BPTF: variants seen among roughly 807,000 people sequenced by gnomAD.
The protein encoded by BPTF is nucleosome-remodeling factor subunit BPTF.
In BPTF, 18 loss-of-function variants were observed where a neutral mutation model predicts 292.5. That is an observed-to-expected ratio of 0.06 (90% CI 0.04 to 0.09). The LOEUF is 0.09. Ranked by LOEUF, BPTF falls within the 10% of genes least tolerant of loss-of-function variation. The pLI is 1.00. For missense variants in BPTF, 2,726 were observed against 3,498.7 expected (o/e 0.78, Z 5.57); for synonymous variants, 1,225 against 1,251.9 (o/e 0.98, Z 0.45).
chr17:67,947,895 C>G, intron 22 of BPTF, 87 bp downstream of exon 22: 1 of 1,365,410 alleles, frequency 7.3e-7, no homozygotes, highest in Admixed American at 2.4e-5. Context: ...ACTTGTTTAT[C>G]TTGATTGAAG....
rs764682478 is a variant in BPTF at position 67,903,808 on chromosome 17, A to G, written c.2563A>G (p.Ile855Val). 5 of 1,578,972 alleles carry G rather than the reference A, an allele frequency of 3.2e-6. No homozygotes were observed. Among genetic ancestry groups the G allele is most frequent in the South Asian group, 2.4e-5 (2 of 83,716 alleles). The change falls in exon 8 of 28, where the codon ATT becomes GTT. Residue 855 changes from isoleucine to valine, a missense_variant. By Grantham distance (29) the Ile-to-Val change is conservative. This residue lies in a region of BPTF where 99 missense variants were observed against 227.1 expected (regional missense o/e 0.44). Coordinates refer to ENST00000306378, the MANE Select transcript of BPTF (RefSeq NM_182641.4). ...TCTTAGGTTACACCGGATGACATCA[A>G]TTGAAAGAGAAGAAAAGGAGAAAGT... is the stretch of plus-strand genomic sequence containing the variant. ...GHTRLHRMTS[I>V]EREEKEKVKK...
chr17:67,839,209 G>A (rs530944354), intron 1 of BPTF, among the ~76,000 whole-genome samples: 20 of 152,144 alleles, frequency 1.3e-4, no homozygotes, highest in African/African-American at 3.6e-4. Flanking sequence ...ATAACGATAG[G>A]CATCTTAGTA....
intron 27 of BPTF, among the ~76,000 whole-genome samples, chr17:67,979,691 C>G (rs1395746540): frequency 5.9e-5 from 9 of 152,166 alleles, no homozygotes; most frequent in African/African-American, 2.2e-4. Flanking sequence ...GAGCTTGGTT[C>G]TCCTTGCCAT....
chr17:67,977,827 G>A (rs2069712201), intron 27 of BPTF: 1 of 150,438 alleles, frequency 6.6e-6, no homozygotes, highest in African/African-American at 2.4e-5. Flanking sequence ...TTGGGCGACA[G>A]AGGGAGATTC....
Position 67,911,009 on chromosome 17 carries a change from G to T in BPTF, c.3125G>T (p.Ser1042Ile). Residue 1042 changes from serine to isoleucine, a missense_variant, in exon 11 of 28, where the codon AGT (serine) becomes ATT (isoleucine). Transcript: ENST00000306378. ...ESSQVDVVNV[S>I]EGFHLRTSYK... is the part of the protein sequence containing the mutation. ...TCTCAAGTAGATGTGGTCAATGTTA[G>T]TGAGGGTTTTCATCTAAGGACTAGT... The T allele has an allele frequency of 6.2e-7, 1 of 1,613,968 alleles. No individual in the cohort carries two copies. The highest frequency in any genetic ancestry group is 8.5e-7 in the Non-Finnish European group (1 of 1,179,912).
chr17:67,914,330 A>G (rs928927011), intron 11 of BPTF, among the ~76,000 whole-genome samples: 3 of 152,226 alleles, frequency 2.0e-5, no homozygotes, highest in African/African-American at 7.2e-5. Flanking sequence ...TGTTTGACCA[A>G]GTTTTTTATA....
At chr17:67,962,317 G>C (rs1316848243) in intron 24 of BPTF, among the ~76,000 whole-genome samples, 1 of 152,318 alleles carries the variant, frequency 6.6e-6, no homozygotes, top group East Asian at 1.9e-4. Flanking sequence ...GGCCAGTCTG[G>C]TTCCCTGTGA....
chr17:67,906,127 G>C (rs935398851), intron 9 of BPTF, among the ~76,000 whole-genome samples: 4 of 152,000 alleles, frequency 2.6e-5, no homozygotes, highest in African/African-American at 9.7e-5. Context: ...CTGTCACCAG[G>C]CTGGAGTGCA....
intron 23 of BPTF, among the ~76,000 whole-genome samples, chr17:67,949,927 C>T (rs1568155845): frequency 2.0e-5 from 3 of 151,382 alleles, no homozygotes; most frequent in Admixed American, 6.6e-5. Context: ...GTGGCAGGTG[C>T]CTGTAATCCC....
chr17:67,857,222 C>T (rs781747989), intron 2 of BPTF, among the ~76,000 whole-genome samples: 7 of 134,970 alleles, frequency 5.2e-5, no homozygotes, highest in African/African-American at 1.1e-4. Context: ...AGTGCAATGG[C>T]GTGATCTCGG....
chr17:67,976,342 G>A (rs575679162), intron 27 of BPTF, among the ~76,000 whole-genome samples: 7 of 152,254 alleles, frequency 4.6e-5, no homozygotes, highest in African/African-American at 1.2e-4. Flanking sequence ...GTGTGGTGAC[G>A]CACGCATGTA....
At chr17:67,964,737 A>C (rs1244239797) in intron 25 of BPTF, among the ~76,000 whole-genome samples, 1 of 152,138 alleles carries the variant, frequency 6.6e-6, no homozygotes, top group South Asian at 2.1e-4. Flanking sequence ...ATGGTGGCTC[A>C]TGCCTGTAAT....
intron 21 of BPTF, 43 bp from the exon 22 acceptor site, chr17:67,947,683 G>T: frequency 1.4e-6 from 2 of 1,462,976 alleles, no homozygotes; most frequent in East Asian, 2.5e-5. Context: ...CTAACCTGTG[G>T]TGATTATAAA....
intron 4 of BPTF, chr17:67,886,256 G>A: frequency 6.2e-7 from 1 of 1,614,018 alleles, no homozygotes; most frequent in Non-Finnish European, 8.5e-7. Flanking sequence ...TAAGGCAGCT[G>A]ATGATCCTGA....
chr17:67,968,575 G>A (rs2068389392), intron 26 of BPTF, among the ~76,000 whole-genome samples: 1 of 150,830 alleles, frequency 6.6e-6, no homozygotes, highest in Non-Finnish European at 1.5e-5. Flanking sequence ...TCAGGAGATC[G>A]AGACCATCCT....
chr17:67,842,582 G>T (rs576786520), intron 1 of BPTF, among the ~76,000 whole-genome samples: 1 of 152,216 alleles, frequency 6.6e-6, no homozygotes, highest in African/African-American at 2.4e-5. Flanking sequence ...TAAAAGTTTA[G>T]GTTCAAAGCA....
At chr17:67,982,183 C>G (rs2070502256) in intron 27 of BPTF, 69 bp from the exon 28 acceptor site, 1 of 1,402,210 alleles carries the variant, frequency 7.1e-7, no homozygotes, top group Non-Finnish European at 1.0e-6. Flanking sequence ...ACCTTGGCAT[C>G]CGCATAAAGC....
At chr17:67,851,481 A>G (rs1049306279) in intron 1 of BPTF, among the ~76,000 whole-genome samples, 3 of 152,118 alleles carry the variant, frequency 2.0e-5, no homozygotes, top group African/African-American at 7.2e-5. Flanking sequence ...TTCTCTAGAG[A>G]AGTGTTTTTC....
chr17:67,833,499 C>T (rs182055851), intron 1 of BPTF, among the ~76,000 whole-genome samples: 10 of 151,992 alleles, frequency 6.6e-5, no homozygotes, highest in East Asian at 1.9e-4. Context: ...TTTATCTGTA[C>T]GTATGTTTTC....
Sources: allele counts gnomAD v4.1 joint callset (sites outside exome capture counted in the v4.1 genomes callset), GRCh38; gene constraint gnomAD v4.1.1; regional missense constraint gnomAD v4.1.1; transcripts MANE v1.5; gene names NCBI Gene and HGNC (gene_info 2026-07-23, HGNC 2026-07-21).